ADARB2: variants seen among roughly 807,000 people sequenced by gnomAD.
ADARB2 encodes inactive double-stranded RNA-specific editase B2.
A neutral mutation model predicts 62.2 loss-of-function variants in ADARB2; 25 were observed. The ratio of observed to expected loss-of-function variants is 0.40; its 90% confidence interval spans 0.29 to 0.56. The LOEUF (loss-of-function observed/expected upper bound fraction) is 0.56, where lower values mean the gene tolerates loss of function less well. ADARB2 is among the 20% of genes least tolerant of loss of function. ADARB2 has a pLI of 0.43. For missense variants in ADARB2, 1,071 were observed against 1,077.4 expected, an observed-to-expected ratio of 0.99 and a Z score of 0.08; for synonymous variants, 572 against 500.8, an observed-to-expected ratio of 1.14 and a Z score of -1.90.
chr10:1,429,040 C>A (rs1464470760), intron 1 of ADARB2, among the ~76,000 whole-genome samples: 3 of 151,794 alleles, frequency 2.0e-5, no homozygotes, highest in Admixed American at 2.0e-4. Flanking sequence ...GCACCAGTGT[C>A]TATATTCTGG....
At chr10:1,268,928 G>T (rs1199453373) in intron 4 of ADARB2, among the ~76,000 whole-genome samples, 1 of 152,164 alleles carries the variant, frequency 6.6e-6, no homozygotes, top group East Asian at 1.9e-4. Flanking sequence ...TCCACATGAA[G>T]TTTGACAGTA....
intron 1 of ADARB2, among the ~76,000 whole-genome samples, chr10:1,604,252 C>T (rs1180265400): frequency 6.6e-6 from 1 of 152,164 alleles, no homozygotes; most frequent in African/African-American, 2.4e-5. Context: ...AAAGTATAAA[C>T]AATAAACAGT....
chr10:1,678,246 G>T, intron 1 of ADARB2: 8 of 984,990 alleles, frequency 8.1e-6, no homozygotes, highest in Non-Finnish European at 9.6e-6. Context: ...GAGTGTCCTC[G>T]GGGTGAGCAT....
At chr10:1,717,748 T>C (rs1223227710) in intron 1 of ADARB2, among the ~76,000 whole-genome samples, 1 of 151,824 alleles carries the variant, frequency 6.6e-6, no homozygotes, top group Non-Finnish European at 1.5e-5. Context: ...GGACTAACTT[T>C]TGTATTTTTA....
chr10:1,727,961 A>G (rs772907807), intron 1 of ADARB2, among the ~76,000 whole-genome samples: 1 of 152,250 alleles, frequency 6.6e-6, no homozygotes, highest in Non-Finnish European at 1.5e-5. Flanking sequence ...AAAATTGCAA[A>G]CAGAGCAGAA....
chr10:1,322,743 C>T (rs1213048504), intron 3 of ADARB2, among the ~76,000 whole-genome samples: 1 of 152,188 alleles, frequency 6.6e-6, no homozygotes, highest in Non-Finnish European at 1.5e-5. Flanking sequence ...ACTCGATACA[C>T]TCTATTCAAG....
intron 6 of ADARB2, among the ~76,000 whole-genome samples, chr10:1,228,307 T>C (rs961742819): frequency 3.9e-5 from 6 of 152,206 alleles, no homozygotes; most frequent in African/African-American, 1.4e-4. Flanking sequence ...TTAAAAACCA[T>C]GCCAAGAAAG....
intron 1 of ADARB2, among the ~76,000 whole-genome samples, chr10:1,502,213 C>T (rs1831775793): frequency 6.6e-6 from 1 of 152,248 alleles, no homozygotes; most frequent in South Asian, 2.1e-4. Flanking sequence ...GCCCCTCCTG[C>T]ACCTGCTGCC....
chr10:1,298,926 G>A (rs1429731288), intron 3 of ADARB2, among the ~76,000 whole-genome samples: 1 of 151,120 alleles, frequency 6.6e-6, no homozygotes, highest in Non-Finnish European at 1.5e-5. Flanking sequence ...TTTATTTTTT[G>A]TAGAGATGGG....
intron 1 of ADARB2, among the ~76,000 whole-genome samples, chr10:1,582,636 TC>T (rs1833121293): frequency 1.3e-5 from 2 of 152,152 alleles, no homozygotes; most frequent in African/African-American, 4.8e-5. Context: ...AGCCAAACAG[TC>T]AGTGCCAGTG....
intron 1 of ADARB2, among the ~76,000 whole-genome samples, chr10:1,649,630 T>C (rs768268122): frequency 3.3e-5 from 5 of 152,230 alleles, no homozygotes; most frequent in Non-Finnish European, 5.9e-5. Context: ...CCCTATAACC[T>C]GGGCCAGATT....
At chr10:1,376,353 G>A (rs996527214) in intron 2 of ADARB2, among the ~76,000 whole-genome samples, 1 of 152,214 alleles carries the variant, frequency 6.6e-6, no homozygotes, top group African/African-American at 2.4e-5. Context: ...TTACCTCTAA[G>A]TTTCTACCCA....
At chr10:1,507,051 G>A (rs893609295) in intron 1 of ADARB2, among the ~76,000 whole-genome samples, 1 of 152,202 alleles carries the variant, frequency 6.6e-6, no homozygotes, top group Admixed American at 6.5e-5. Context: ...CACTGCCTAA[G>A]CCACCCAGTC....
At position 1,737,222 on chromosome 10, in the gene ADARB2, G is replaced by C; in HGVS notation, c.-72C>G. On this transcript the variant is annotated 5_prime_UTR_variant, in exon 1 of 10. Transcript: ENST00000381312. ...TGCACCTGCCTCCTTCCCGGCAGCC[G>C]CCGCCGCCGCTGCTGCGAAGCTTGA... 1 of 1,504,474 alleles carries C rather than the reference G, an allele frequency of 6.6e-7. No homozygotes were observed. The highest frequency in any genetic ancestry group is 1.1e-5 in the South Asian group (1 of 88,872). 93.2% of individuals were successfully genotyped at this position (1,504,474 alleles called of 1,614,324 possible). A position where few individuals can be genotyped will look rare whatever the true frequency, so the allele number is the denominator to read the frequency against.
chr10:1,598,350 A>T (rs1400556814), intron 1 of ADARB2, among the ~76,000 whole-genome samples: 4 of 152,228 alleles, frequency 2.6e-5, no homozygotes, highest in Non-Finnish European at 4.4e-5. Flanking sequence ...AGGTGGGTGC[A>T]CTAAACCCAG....
At position 1,727,837 on chromosome 10, in the gene ADARB2, C is replaced by T. The variant is rs187893691; in HGVS notation, c.100+9214G>A. The stretch of plus-strand genomic sequence containing the variant: ...TTGCTCATGTCATTGTGATGCCTCA[C>T]TCTTTGCCTGTCTCACGGTAGGCAC... On this transcript the variant is annotated intron_variant, in intron 1 of 9. Coordinates refer to ENST00000381312, the MANE Select transcript of ADARB2 (RefSeq NM_018702.4). 2.5e-3 allele frequency among the ~76,000 whole-genome samples: 375 copies of T among 152,320 alleles called. 1 individual carries two copies. The highest frequency in any genetic ancestry group is 4.0e-3 in the Non-Finnish European group (275 of 68,034).
chr10:1,633,545 CTATCATCT>C (rs1490389289), intron 1 of ADARB2, among the ~76,000 whole-genome samples: 1 of 118,730 alleles, frequency 8.4e-6, no homozygotes, highest in Admixed American at 8.9e-5. Flanking sequence ...GTCTGTCTAT[CTATCATCT>C]ATCTATCTAT....
intron 4 of ADARB2, among the ~76,000 whole-genome samples, chr10:1,256,856 T>A (rs942840065): frequency 2.6e-5 from 4 of 152,126 alleles, no homozygotes; most frequent in Non-Finnish European, 5.9e-5. Flanking sequence ...TCACCCCATA[T>A]CAAAGGAACA....
intron 1 of ADARB2, among the ~76,000 whole-genome samples, chr10:1,634,949 G>T (rs1219390351): frequency 2.6e-5 from 4 of 152,132 alleles, no homozygotes; most frequent in Non-Finnish European, 5.9e-5. Flanking sequence ...AGCTGGATGT[G>T]GTTAAGCAAA....
Sources: allele counts gnomAD v4.1 joint callset (sites outside exome capture counted in the v4.1 genomes callset), GRCh38; gene constraint gnomAD v4.1.1; transcripts MANE v1.5; gene names NCBI Gene and HGNC (gene_info 2026-07-23, HGNC 2026-07-21).